The following MAPK10 variants were observed in gnomAD, a reference collection of about 807,000 sequenced individuals.
MAPK10 encodes the protein JNK3 alpha protein kinase.
In MAPK10, 25 loss-of-function variants were observed where a neutral mutation model predicts 59.3. That is an observed-to-expected ratio of 0.42 (90% CI 0.31 to 0.59). MAPK10 has a LOEUF of 0.59. Among genes scored for constraint, MAPK10 ranks in the 20% least tolerant of loss-of-function variants. The pLI, the probability that MAPK10 is intolerant of heterozygous loss-of-function variation, is 0.15. For synonymous variants in MAPK10, 190 were observed against 200.5 expected (o/e 0.95, Z 0.44); for missense variants, 351 against 568.9 (o/e 0.62, Z 3.90).
At chr4:86,307,446 T>C (rs1434242152) in intron 2 of MAPK10, among the ~76,000 whole-genome samples, 2 of 152,058 alleles carry the variant, frequency 1.3e-5, no homozygotes, top group African/African-American at 4.8e-5. Flanking sequence ...GTGATGTTGA[T>C]TATAACACAA....
intron 2 of MAPK10, among the ~76,000 whole-genome samples, chr4:86,243,590 C>A (rs998236610): frequency 6.6e-6 from 1 of 152,124 alleles, no homozygotes; most frequent in African/African-American, 2.4e-5. Flanking sequence ...CACTTCTGGG[C>A]CCTTGAACAT....
chr4:86,327,448 C>T (rs2096053673), intron 2 of MAPK10: 1 of 151,624 alleles, frequency 6.6e-6, no homozygotes, highest in East Asian at 1.9e-4. Context: ...TTCTTCAGTC[C>T]GAGCCACCAT....
At chr4:86,165,543 A>ATTTTTTTTTTTTTTTTT (rs10525325) in intron 3 of MAPK10, among the ~76,000 whole-genome samples, 1 of 57,264 alleles carries the variant, frequency 1.7e-5, no homozygotes. Context: ...CTCCCAGATA[A>ATTTTTTTTTTTTTTTTT]TTTTTTTTTT....
At chr4:86,260,132 C>G (rs2093928059) in intron 2 of MAPK10, among the ~76,000 whole-genome samples, 1 of 151,980 alleles carries the variant, frequency 6.6e-6, no homozygotes, top group Non-Finnish European at 1.5e-5. Flanking sequence ...TCCCCAGTTT[C>G]CAGATGAAGA....
At chr4:86,246,592 A>G (rs1210981121) in intron 2 of MAPK10, among the ~76,000 whole-genome samples, 2 of 152,188 alleles carry the variant, frequency 1.3e-5, no homozygotes, top group African/African-American at 4.8e-5. Flanking sequence ...ACTAACAAAC[A>G]CTTCCATGGT....
chr4:86,334,252 C>T (rs1408934998), intron 2 of MAPK10, among the ~76,000 whole-genome samples: 2 of 152,124 alleles, frequency 1.3e-5, no homozygotes, highest in Non-Finnish European at 2.9e-5. Context: ...CAAATGCAAA[C>T]GAGTCCTGCA....
At chr4:86,115,221 C>T in intron 4 of MAPK10, among the ~76,000 whole-genome samples, 1 of 152,178 alleles carries the variant, frequency 6.6e-6, no homozygotes, top group East Asian at 1.9e-4. Flanking sequence ...ATGCACAGAT[C>T]CATGGAAAAA....
intron 9 of MAPK10, chr4:86,090,997 G>A (rs189057914): frequency 6.6e-6 from 1 of 152,020 alleles, no homozygotes; most frequent in East Asian, 1.9e-4. Context: ...CCAACTATGT[G>A]ACCTTGGCCA....
intron 2 of MAPK10, among the ~76,000 whole-genome samples, chr4:86,322,388 G>A (rs112194900): frequency 6.6e-6 from 1 of 152,268 alleles, no homozygotes; most frequent in African/African-American, 2.4e-5. Flanking sequence ...AGAACTCAGA[G>A]AATAAAGCAG....
chr4:86,591,200 A>G (rs372267190), intron 1 of MAPK10, among the ~76,000 whole-genome samples: 23 of 152,308 alleles, frequency 1.5e-4, no homozygotes, highest in East Asian at 1.2e-3. Flanking sequence ...CTAGGATTAC[A>G]GGCGTGAGCC....
rs1284227022 is a variant in MAPK10, at chr4:86,011,417, G to GTA, written c.*5810_*5811insTA. ...AAACCTCTGCCTTGGCTGTGATCCAGTGTTGTTATTGGCAAGTAGATTCAT... is the reference window on the plus strand; with the variant it reads ...AAACCTCTGCCTTGGCTGTGATCCAGTATGTTGTTATTGGCAAGTAGATTCAT... On this transcript the variant is annotated 3_prime_UTR_variant, in exon 14 of 14. Transcript: ENST00000641462. 1.3e-5 allele frequency: 2 copies of GTA among 152,214 alleles called. No homozygotes were observed. The highest frequency in any genetic ancestry group is 2.9e-5 in the Non-Finnish European group (2 of 68,042). The allele number at this position is 152,214 out of a possible 1,614,324, so 9.4% of individuals were successfully genotyped here. A position where few individuals can be genotyped will look rare whatever the true frequency, so the allele number is the denominator to read the frequency against.
At chr4:86,406,898 T>G (rs1223200292) in intron 1 of MAPK10, among the ~76,000 whole-genome samples, 1 of 152,194 alleles carries the variant, frequency 6.6e-6, no homozygotes, top group Non-Finnish European at 1.5e-5. Context: ...ACAACACATT[T>G]TCATTTAACA....
At chr4:86,487,384 T>TGTGTGTGTGTAG (rs60716642) in intron 1 of MAPK10, among the ~76,000 whole-genome samples, 3 of 148,470 alleles carry the variant, frequency 2.0e-5, no homozygotes, top group East Asian at 2.0e-4. Context: ...TGTGTGTGTG[T>TGTGTGTGTGTAG]AGAGAGAGAA....
chr4:86,484,241 C>T (rs1473997908), intron 1 of MAPK10, among the ~76,000 whole-genome samples: 2 of 152,126 alleles, frequency 1.3e-5, no homozygotes, highest in African/African-American at 4.8e-5. Flanking sequence ...TGCTAATGGG[C>T]GCCATTCACT....
intron 1 of MAPK10, among the ~76,000 whole-genome samples, chr4:86,581,899 TTATATATATA>T (rs67303972): frequency 0.076 from 6,892 of 91,170 alleles, 387 homozygotes; most frequent in East Asian, 0.11. Context: ...GCTATATATA[TTATATATATA>T]TATATATATA....
chr4:86,456,934 C>T (rs1042543998), upstream of MAPK10, among the ~76,000 whole-genome samples: 3 of 152,134 alleles, frequency 2.0e-5, no homozygotes. Flanking sequence ...CTGAATCCAA[C>T]AACACATCCA....
At chr4:86,283,736 T>C (rs2094902830) in intron 2 of MAPK10, among the ~76,000 whole-genome samples, 1 of 151,998 alleles carries the variant, frequency 6.6e-6, no homozygotes, top group Non-Finnish European at 1.5e-5. Context: ...CATGATGCTT[T>C]GTAAAGCTAA....
At chr4:86,459,369 A>G (rs1751521701) in intron 1 of MAPK10, among the ~76,000 whole-genome samples, 1 of 152,248 alleles carries the variant, frequency 6.6e-6, no homozygotes, top group Middle Eastern at 3.2e-3. Context: ...AACTAAAAGT[A>G]GAACTACCAT....
chr4:86,444,577 A>G (rs1157687139), intron 1 of MAPK10, among the ~76,000 whole-genome samples: 2 of 152,148 alleles, frequency 1.3e-5, no homozygotes, highest in Non-Finnish European at 2.9e-5. Context: ...ATGGGTTCTA[A>G]TTAAACTAAA....
Sources: allele counts gnomAD v4.1 joint callset (sites outside exome capture counted in the v4.1 genomes callset), GRCh38; gene constraint gnomAD v4.1.1; transcripts MANE v1.5; gene names NCBI Gene and HGNC (gene_info 2026-07-23, HGNC 2026-07-21).